Variants in SLC24A4 observed in about 807,000 individuals in gnomAD.
SLC24A4 encodes the protein solute carrier family 24 member 4.
A neutral mutation model predicts 79.0 loss-of-function variants in SLC24A4; 53 were observed. The observed-to-expected ratio is 0.67, with a 90% CI of 0.54 to 0.84. The LOEUF is 0.84. Among genes scored for constraint, SLC24A4 ranks in the 40% least tolerant of loss-of-function variants. SLC24A4 has a pLI of 0.00. For synonymous variants in SLC24A4, 323 were observed against 323.8 expected, an observed-to-expected ratio of 1.00 and a Z score of 0.03; for missense variants, 731 against 822.0, an observed-to-expected ratio of 0.89 and a Z score of 1.35.
chr14:92,324,161 C>T (rs904915626), intron 1 of SLC24A4, among the ~76,000 whole-genome samples: 1 of 152,144 alleles, frequency 6.6e-6, no homozygotes, highest in African/African-American at 2.4e-5. Flanking sequence ...TTCCCCTGAG[C>T]TACGAGCGGC....
At chr14:92,407,678 A>C (rs868295644) in intron 2 of SLC24A4, among the ~76,000 whole-genome samples, 1 of 152,136 alleles carries the variant, frequency 6.6e-6, no homozygotes, top group African/African-American at 2.4e-5. Flanking sequence ...CAGACTTTCA[A>C]ATGATCAGAT....
At chr14:92,454,336 C>A (rs1457875739) in intron 11 of SLC24A4, among the ~76,000 whole-genome samples, 1 of 152,072 alleles carries the variant, frequency 6.6e-6, no homozygotes, top group Non-Finnish European at 1.5e-5. Flanking sequence ...GAAAGGCCAG[C>A]CTGAAGTATG....
At chr14:92,396,087 A>G (rs973157352) in intron 2 of SLC24A4, among the ~76,000 whole-genome samples, 1 of 152,180 alleles carries the variant, frequency 6.6e-6, no homozygotes. Context: ...GCCTCCCAGA[A>G]TGCTGGGATT....
At chr14:92,352,832 T>G (rs759012462) in intron 2 of SLC24A4, among the ~76,000 whole-genome samples, 19 of 152,158 alleles carry the variant, frequency 1.2e-4, no homozygotes, top group Non-Finnish European at 2.5e-4. Flanking sequence ...GGAAAGGAAT[T>G]GAGGTTGTTT....
At position 92,499,540 on chromosome 14, in the gene SLC24A4, G is replaced by A. The variant is rs1208921806; in HGVS notation, c.*5912G>A. On this transcript the variant is annotated 3_prime_UTR_variant, in exon 17 of 17. Coordinates refer to ENST00000532405, the MANE Select transcript of SLC24A4 (RefSeq NM_153646.4). The stretch of plus-strand genomic sequence containing the variant: ...ACAGTTGCTTTTTTTTTTTCTTTTT[G>A]AGAAAGGGCCTCACTCTGTTGCCCA... 1 of 149,300 alleles carries A rather than the reference G, an allele frequency of 6.7e-6. No homozygotes were observed. The highest frequency in any genetic ancestry group is 2.2e-4 in the South Asian group (1 of 4,574). The allele number at this position is 149,300 out of a possible 1,614,324, so 9.2% of individuals were successfully genotyped here.
chr14:92,460,476 C>T (rs1031560723), intron 12 of SLC24A4, among the ~76,000 whole-genome samples: 3 of 152,166 alleles, frequency 2.0e-5, no homozygotes, highest in African/African-American at 7.2e-5. Context: ...TCGTAGGTTC[C>T]AGAATCCCTG....
At chr14:92,491,850 G>A (rs962002371) in intron 15 of SLC24A4, 73 bp downstream of exon 15, 36 of 1,220,148 alleles carry the variant, frequency 3.0e-5, no homozygotes, top group Non-Finnish European at 1.3e-5. Context: ...TCCAGCCAGA[G>A]GCTCTAGGAG....
chr14:92,402,339 A>G (rs527851030), intron 2 of SLC24A4, among the ~76,000 whole-genome samples: 1 of 152,164 alleles, frequency 6.6e-6, no homozygotes, highest in East Asian at 1.9e-4. Context: ...CAATAGCCTA[A>G]AGTTTTTCCT....
At position 92,449,311 on chromosome 14, in the gene SLC24A4, CA is replaced by C. The variant is rs746125700; in HGVS notation, c.880+96del. 2.3e-4 allele frequency: 300 copies of C among 1,323,462 alleles called. 1 individual carries two copies. The highest frequency in any genetic ancestry group is 2.8e-4 in the Non-Finnish European group (265 of 956,236). 82.0% of individuals were successfully genotyped at this position (1,323,462 alleles called of 1,614,324 possible). ...ACACACACACACACACACACACACA[CA>C]CACACACACACCCTCTCACAATGTC... On this transcript the variant is annotated intron_variant, in intron 10 of 16. Coordinates refer to ENST00000532405, the MANE Select transcript of SLC24A4 (RefSeq NM_153646.4).
At chr14:92,444,280 C>T (rs79800053) in intron 7 of SLC24A4, among the ~76,000 whole-genome samples, 2,161 of 152,174 alleles carry the variant, frequency 0.014, 51 homozygotes, top group African/African-American at 0.048. Context: ...TGTTTTGGCA[C>T]GGATATGCCA....
At chr14:92,485,383 T>G (rs2139931450) in intron 13 of SLC24A4, among the ~76,000 whole-genome samples, 1 of 151,958 alleles carries the variant, frequency 6.6e-6, no homozygotes, top group East Asian at 1.9e-4. Flanking sequence ...GAGGATTGCT[T>G]AAACCCGAGA....
chr14:92,474,894 C>A (rs1894681959), intron 12 of SLC24A4, among the ~76,000 whole-genome samples: 1 of 124,964 alleles, frequency 8.0e-6, no homozygotes, highest in African/African-American at 2.9e-5. Flanking sequence ...CACAGGGTTT[C>A]ACCATGTTGG....
chr14:92,370,131 G>A (rs937486605), intron 2 of SLC24A4, among the ~76,000 whole-genome samples: 6 of 152,268 alleles, frequency 3.9e-5, no homozygotes, highest in Admixed American at 2.6e-4. Context: ...CTAAAAAATT[G>A]TATCCTTCTG....
intron 10 of SLC24A4, chr14:92,451,716 G>A (rs1893151756): frequency 6.6e-6 from 1 of 152,256 alleles, no homozygotes; most frequent in African/African-American, 2.4e-5. Flanking sequence ...GTACTGAAAC[G>A]TTCTTAAAGG....
At chr14:92,336,859 C>G (rs541044072) in intron 2 of SLC24A4, among the ~76,000 whole-genome samples, 1 of 152,308 alleles carries the variant, frequency 6.6e-6, no homozygotes, top group East Asian at 1.9e-4. Flanking sequence ...AGGGCATTTA[C>G]GCAGACAGCA....
intron 2 of SLC24A4, among the ~76,000 whole-genome samples, chr14:92,392,959 C>G (rs1005949617): frequency 6.6e-6 from 1 of 151,736 alleles, no homozygotes; most frequent in African/African-American, 2.4e-5. Context: ...TGGGAGGCAC[C>G]ATCTATGAGG....
At chr14:92,328,413 G>A (rs1489330254) in intron 2 of SLC24A4, among the ~76,000 whole-genome samples, 4 of 152,224 alleles carry the variant, frequency 2.6e-5, no homozygotes, top group Non-Finnish European at 4.4e-5. Flanking sequence ...GAGCAGCCCC[G>A]CAGGAGGCAC....
At chr14:92,411,181 C>G (rs1890687901) in intron 2 of SLC24A4, among the ~76,000 whole-genome samples, 1 of 152,254 alleles carries the variant, frequency 6.6e-6, no homozygotes, top group Non-Finnish European at 1.5e-5. Context: ...ATGCAGTGCT[C>G]CCTTCACTCT....
intron 16 of SLC24A4, 49 bp downstream of exon 16, chr14:92,492,289 A>C: frequency 1.9e-6 from 3 of 1,556,258 alleles, no homozygotes; most frequent in Non-Finnish European, 2.7e-6. Flanking sequence ...ACTTGATTTC[A>C]TCTGATTCCG....
Sources: allele counts gnomAD v4.1 joint callset (sites outside exome capture counted in the v4.1 genomes callset), GRCh38; gene constraint gnomAD v4.1.1; transcripts MANE v1.5; gene names NCBI Gene and HGNC (gene_info 2026-07-23, HGNC 2026-07-21).